Variants in XRN2 observed in about 807,000 individuals in gnomAD.
The protein encoded by XRN2 is DHM1-like protein.
Under a neutral mutation model 138.5 loss-of-function variants are expected in XRN2, and 44 were observed. That is an observed-to-expected ratio of 0.32 (90% CI 0.25 to 0.41). XRN2 has a LOEUF of 0.41. Among genes scored for constraint, XRN2 ranks in the 10% least tolerant of loss-of-function variants. The pLI, the probability that XRN2 is intolerant of heterozygous loss-of-function variation, is 1.00. For synonymous variants in XRN2, 354 were observed against 369.4 expected, an observed-to-expected ratio of 0.96 and a Z score of 0.48; for missense variants, 937 against 1,169.3, an observed-to-expected ratio of 0.80 and a Z score of 2.90.
At chr20:21,330,832 A>G in intron 6 of XRN2, 127 bp downstream of exon 6, 1 of 923,008 alleles carries the variant, frequency 1.1e-6, no homozygotes, top group African/African-American at 1.7e-5. Flanking sequence ...TGGAAGAAAG[A>G]AAAGCTTCCA....
intron 13 of XRN2, among the ~76,000 whole-genome samples, chr20:21,335,396 A>G (rs2038272055): frequency 6.6e-6 from 1 of 152,176 alleles, no homozygotes; most frequent in African/African-American, 2.4e-5. Flanking sequence ...TTGCTTCATG[A>G]TCTCCCAGCA....
At position 21,354,849 on chromosome 20, in the gene XRN2, A is replaced by G. The variant is rs1327368719; in HGVS notation, c.1997A>G (p.Tyr666Cys). 6.2e-7 allele frequency: 1 copy of G among 1,613,870 alleles called. No individual in the cohort carries two copies. Among genetic ancestry groups the G allele is most frequent in the South Asian group, 1.1e-5 (1 of 91,014 alleles). The stretch of plus-strand genomic sequence containing the variant: ...CTACGAGCTGCCCTAGAAGAGGTAT[A>G]CCCAGACCTCACTCCAGAAGAGAGT... ...RRLRAALEEVYPDLTPEETRR... is the reference protein window; with the variant it reads ...RRLRAALEEVCPDLTPEETRR... Residue 666 changes from tyrosine to cysteine, a missense_variant, in exon 21 of 30, where the codon TAC becomes TGC. By Grantham distance (194) the Tyr-to-Cys change is radical. Around this residue, in one of 6 missense-constraint regions of XRN2, gnomAD observed 372 missense variants for 414.4 expected, o/e 0.90. Coordinates refer to ENST00000377191, the MANE Select transcript of XRN2 (RefSeq NM_012255.5).
rs527243630 is a variant in XRN2, at chr20:21,376,856, A to G, written c.2585-5138A>G. On this transcript the variant is annotated intron_variant, in intron 27 of 29. Transcript: ENST00000377191. Reference sequence around the variant, plus strand: ...GTTTGTGGGGGTCAAAGTGCCTGAAATACTTTAGAGGCATCTGTGCTAGGT... The same window carrying G: ...GTTTGTGGGGGTCAAAGTGCCTGAAGTACTTTAGAGGCATCTGTGCTAGGT... Among the ~76,000 whole-genome samples, 26 of 152,324 alleles carry G rather than the reference A, an allele frequency of 1.7e-4. 1 individual carries two copies. Among genetic ancestry groups the G allele is most frequent in the African/African-American group, 3.8e-4 (16 of 41,568 alleles).
chr20:21,386,339 C>G (rs576876167), intron 28 of XRN2, among the ~76,000 whole-genome samples: 1 of 152,302 alleles, frequency 6.6e-6, no homozygotes, highest in African/African-American at 2.4e-5. Context: ...CCAATCAGAC[C>G]TTCTGACATA....
chr20:21,346,992 A>G (rs2038444717), intron 17 of XRN2, among the ~76,000 whole-genome samples: 2 of 152,170 alleles, frequency 1.3e-5, no homozygotes, highest in Admixed American at 1.3e-4. Context: ...AAAGCTCCCT[A>G]TTCAGAAGTC....
chr20:21,374,604 C>T (rs1159718765), intron 27 of XRN2, among the ~76,000 whole-genome samples: 1 of 152,004 alleles, frequency 6.6e-6, no homozygotes, highest in Non-Finnish European at 1.5e-5. Flanking sequence ...GTAAATTACA[C>T]TGATTGATTT....
intron 27 of XRN2, 111 bp downstream of exon 27, chr20:21,368,701 AC>A (rs1351455989): frequency 3.4e-5 from 47 of 1,388,460 alleles, no homozygotes; most frequent in Non-Finnish European, 4.4e-5. Context: ...CAGACAGTGA[AC>A]TTTAAAAACA....
At chr20:21,368,248 A>G (rs1005315119) in intron 26 of XRN2, among the ~76,000 whole-genome samples, 2 of 152,228 alleles carry the variant, frequency 1.3e-5, no homozygotes, top group African/African-American at 2.4e-5. Flanking sequence ...ATGGTTATCA[A>G]TTAAGAGTCT....
At chr20:21,349,368 T>G (rs375041487) in intron 19 of XRN2, 21 bp from the exon 20 acceptor site, 60 of 1,493,724 alleles carry the variant, frequency 4.0e-5, no homozygotes, top group Non-Finnish European at 5.4e-5. Flanking sequence ...TTTTGATTCT[T>G]TACTTTTCTC....
chr20:21,376,610 T>G (rs748033285), intron 27 of XRN2, among the ~76,000 whole-genome samples: 4 of 152,102 alleles, frequency 2.6e-5, no homozygotes, highest in Non-Finnish European at 5.9e-5. Flanking sequence ...GGAGAGATGA[T>G]GAGGGTCTGA....
intron 24 of XRN2, among the ~76,000 whole-genome samples, chr20:21,359,757 A>C (rs2038616002): frequency 6.6e-6 from 1 of 152,134 alleles, no homozygotes. Flanking sequence ...TGTTTGTTTT[A>C]GGGCTTGTTG....
At chr20:21,381,570 T>A (rs2122359217) in intron 27 of XRN2, among the ~76,000 whole-genome samples, 1 of 152,342 alleles carries the variant, frequency 6.6e-6, no homozygotes, top group East Asian at 1.9e-4. Flanking sequence ...AAGGAAAATT[T>A]CAGGATTTCT....
At chr20:21,369,267 A>G (rs867376235) in intron 27 of XRN2, among the ~76,000 whole-genome samples, 12 of 152,240 alleles carry the variant, frequency 7.9e-5, no homozygotes, top group African/African-American at 2.9e-4. Context: ...GTGGCTGAAC[A>G]GTACTCCATT....
intron 27 of XRN2, among the ~76,000 whole-genome samples, chr20:21,372,633 A>G (rs1396451752): frequency 6.6e-6 from 1 of 152,200 alleles, no homozygotes; most frequent in Non-Finnish European, 1.5e-5. Flanking sequence ...AGTTTTGAAA[A>G]TTAGATTATT....
chr20:21,356,925 T>C (rs1489873891), intron 23 of XRN2, among the ~76,000 whole-genome samples: 2 of 152,188 alleles, frequency 1.3e-5, no homozygotes, highest in Non-Finnish European at 1.5e-5. Flanking sequence ...TACTAAGATG[T>C]TACGGTGTTA....
At chr20:21,333,457 G>T in intron 9 of XRN2, 87 bp from the exon 10 acceptor site, 3 of 1,325,302 alleles carry the variant, frequency 2.3e-6, no homozygotes, top group Non-Finnish European at 3.3e-6. Flanking sequence ...TGGATTGTGC[G>T]TTAGAAAAAG....
chr20:21,332,457 G>T lies in XRN2; in HGVS notation c.858+17G>T. 1 of 1,534,992 alleles carries T rather than the reference G, an allele frequency of 6.5e-7. No individual in the cohort carries two copies. Among genetic ancestry groups the T allele is most frequent in the South Asian group, 1.3e-5 (1 of 79,644 alleles). On this transcript the variant is annotated intron_variant, in intron 9 of 29. Transcript: ENST00000377191. ...AAGGGAAAGGTAAGAACTTTGAGAT[G>T]GTAGTTGCCTCATTAAAAAAAAAAA...
chr20:21,385,336 G>A (rs2038926575), intron 28 of XRN2, among the ~76,000 whole-genome samples: 1 of 152,128 alleles, frequency 6.6e-6, no homozygotes, highest in South Asian at 2.1e-4. Context: ...CCTTAGTTTA[G>A]CCCTTCACTC....
Position 21,365,644 on chromosome 20 carries a change from T to C in XRN2, c.2396T>C (p.Leu799Pro). Reference sequence around the variant, plus strand: ...AATGGACGGCAGTGGAAGCCTCAGCTTGGCTTTAACCGTGACCGGAGGCCT... The same window carrying C: ...AATGGACGGCAGTGGAAGCCTCAGCCTGGCTTTAACCGTGACCGGAGGCCT... ...SSNGRQWKPQ[L>P]GFNRDRRPVH... The change falls in exon 26 of 30, where the codon CTT becomes CCT. Residue 799 changes from leucine (L) to proline (P), a missense_variant. Physicochemically the swap from Leu to Pro is moderately conservative, Grantham distance 98. Coordinates refer to ENST00000377191, the MANE Select transcript of XRN2 (RefSeq NM_012255.5). 1 of 1,613,348 alleles carries C rather than the reference T, an allele frequency of 6.2e-7. No homozygotes were observed. Among genetic ancestry groups the C allele is most frequent in the South Asian group, 1.1e-5 (1 of 91,084 alleles).
Sources: gnomAD v4.1 joint callset for allele counts (sites outside exome capture counted in the v4.1 genomes callset) on GRCh38, gnomAD v4.1.1 for gene constraint, gnomAD v4.1.1 regional missense constraint, MANE v1.5 for transcripts, NCBI Gene and HGNC (gene_info 2026-07-23, HGNC 2026-07-21) for gene names.